Variants in ABCA10 observed in about 807,000 individuals in gnomAD.
ABCA10 encodes the protein ATP binding cassette subfamily A member 10, also known as ATP-binding cassette sub-family A member 10.
ABCA10 carries 169 observed loss-of-function variants against 187.5 expected under a neutral mutation model. That is an observed-to-expected ratio of 0.90 (90% CI 0.80 to 1.02). The LOEUF is 1.02. ABCA10 is among the 50% of genes least tolerant of loss of function. The pLI, the probability that ABCA10 is intolerant of heterozygous loss-of-function variation, is 0.00. For missense variants in ABCA10, 1,727 were observed against 1,812.4 expected, an observed-to-expected ratio of 0.95 and a Z score of 0.86; for synonymous variants, 574 against 601.8, an observed-to-expected ratio of 0.95 and a Z score of 0.68.
At chr17:69,194,837 G>T (rs1388453079) in intron 11 of ABCA10, among the ~76,000 whole-genome samples, 4 of 152,200 alleles carry the variant, frequency 2.6e-5, no homozygotes, top group Admixed American at 6.5e-5. Context: ...GCAAAGGAAA[G>T]AAGTGTGGCT....
chr17:69,211,331 A>ATCATATATATACATCATATATAT lies in ABCA10; in HGVS notation c.1006+3372_1006+3373insATATATATGATGTATATATATGA, dbSNP rs1568070290. ...ATATATATGATATATATATATATAT[A>ATCATATATATACATCATATATAT]TATATATATATATATATATATATAT... On this transcript the variant is annotated intron_variant, in intron 9 of 38. Transcript: ENST00000690296. Among the ~76,000 whole-genome samples the ATCATATATATACATCATATATAT allele has an allele frequency of 8.5e-4, 100 of 118,258 alleles. 1 individual carries two copies. The highest frequency in any genetic ancestry group is 4.3e-3 in the African/African-American group (95 of 22,004). 77.6% of individuals were successfully genotyped at this position (118,258 alleles called of 152,430 possible).
intron 25 of ABCA10, among the ~76,000 whole-genome samples, chr17:69,172,674 G>A (rs1397503475): frequency 6.6e-6 from 1 of 151,450 alleles, no homozygotes; most frequent in Non-Finnish European, 1.5e-5. Flanking sequence ...GAAAAATATG[G>A]AATAAAAACA....
intron 11 of ABCA10, among the ~76,000 whole-genome samples, chr17:69,195,554 C>CTTTTTTTTTTTTTTTTTTTTT (rs59069489): frequency 1.2e-4 from 12 of 102,976 alleles, no homozygotes; most frequent in African/African-American, 2.1e-4. Context: ...TGAAGTTTTT[C>CTTTTTTTTTTTTTTTTTTTTT]TTTTTTTTTT....
At chr17:69,228,096 C>G (rs1446671340) in intron 1 of ABCA10, among the ~76,000 whole-genome samples, 2 of 151,836 alleles carry the variant, frequency 1.3e-5, no homozygotes, top group Non-Finnish European at 2.9e-5. Context: ...AAGGCAAAGC[C>G]AGCAAAACCC....
chr17:69,148,942 A>T lies in ABCA10; in HGVS notation c.4534-17T>A. The T allele has an allele frequency of 6.2e-7, 1 of 1,612,838 alleles. No homozygotes were observed. The highest frequency in any genetic ancestry group is 8.5e-7 in the Non-Finnish European group (1 of 1,179,056). ...TAAGAATACCTAAGTAAGAGAAAAT[A>T]AAAAAGATACAAAAATGTCAGGGTG... is the stretch of plus-strand genomic sequence containing the variant. On this transcript the variant is annotated splice_polypyrimidine_tract_variant and intron_variant, in intron 38 of 38. Coordinates refer to ENST00000690296, the MANE Select transcript of ABCA10 (RefSeq NM_001377321.1).
chr17:69,232,170 G>A (rs1379231660), upstream of ABCA10, among the ~76,000 whole-genome samples: 1 of 151,706 alleles, frequency 6.6e-6, no homozygotes, highest in Non-Finnish European at 1.5e-5. Flanking sequence ...CAGATAGTTG[G>A]GTCTTGTTTT....
intron 22 of ABCA10, among the ~76,000 whole-genome samples, chr17:69,180,124 T>C (rs983865720): frequency 6.6e-6 from 1 of 152,292 alleles, no homozygotes; most frequent in South Asian, 2.1e-4. Context: ...GTCTACTTTA[T>C]GAGGTAGAAA....
chr17:69,200,789 T>C (rs2074537741), intron 10 of ABCA10, among the ~76,000 whole-genome samples: 1 of 152,230 alleles, frequency 6.6e-6, no homozygotes, highest in African/African-American at 2.4e-5. Flanking sequence ...ACTGGCTCAC[T>C]GCAAACTCCA....
chr17:69,208,819 T>A (rs772726493), intron 9 of ABCA10, among the ~76,000 whole-genome samples: 7 of 152,258 alleles, frequency 4.6e-5, no homozygotes, highest in African/African-American at 7.2e-5. Context: ...GGAGGATCCC[T>A]TGAGGCCAGG....
intron 9 of ABCA10, among the ~76,000 whole-genome samples, chr17:69,206,633 T>C (rs1416050566): frequency 2.0e-5 from 3 of 152,224 alleles, no homozygotes; most frequent in African/African-American, 7.2e-5. Flanking sequence ...TAGTTTGATG[T>C]AGACTCTGTC....
rs369415486 is a variant in ABCA10 at position 69,225,305 on chromosome 17, T to C, written c.34+20A>G. The C allele has an allele frequency of 2.5e-5, 40 of 1,611,864 alleles. No homozygotes were observed. Among genetic ancestry groups the C allele is most frequent in the African/African-American group, 1.7e-4 (13 of 74,790 alleles). On this transcript the variant is annotated intron_variant, in intron 3 of 38. Coordinates refer to ENST00000690296, the MANE Select transcript of ABCA10 (RefSeq NM_001377321.1). ...AATTAAGTCACATAATACTGAAACA[T>C]TGGTTATTGGACAACACACCTTTCA...
At chr17:69,209,578 A>T (rs1301008450) in intron 9 of ABCA10, among the ~76,000 whole-genome samples, 1 of 152,244 alleles carries the variant, frequency 6.6e-6, no homozygotes, top group Non-Finnish European at 1.5e-5. Context: ...AGATGAACAT[A>T]CTAAAATAAG....
chr17:69,187,605 A>T, intron 19 of ABCA10, 76 bp downstream of exon 19: 1 of 1,397,174 alleles, frequency 7.2e-7, no homozygotes, highest in Non-Finnish European at 9.7e-7. Flanking sequence ...TGAATAAATT[A>T]ATATATTTAC....
At chr17:69,164,821 C>G (rs891003926) in intron 26 of ABCA10, 143 bp downstream of exon 26, 18 of 1,104,144 alleles carry the variant, frequency 1.6e-5, no homozygotes, top group Non-Finnish European at 2.1e-5. Context: ...CAATTTTATA[C>G]AGCTTTAAAA....
intron 14 of ABCA10, 89 bp from the exon 15 acceptor site, chr17:69,193,337 T>G: frequency 6.5e-7 from 1 of 1,542,820 alleles, no homozygotes; most frequent in East Asian, 2.3e-5. Flanking sequence ...ATTTCTAGAC[T>G]CAAATACAGT....
Position 69,155,124 on chromosome 17 carries a change from T to C in ABCA10, c.3589A>G (p.Thr1197Ala), listed in dbSNP as rs1412068767. ...APNLEEEPVITASCLHKEYYE... is the reference protein window; with the variant it reads ...APNLEEEPVIAASCLHKEYYE... Reference sequence around the variant, plus strand: ...TATTCCTTGTGTAAACAGCTTGCAGTTATGACTGGTTCCTGGAAAACATGA... The same window carrying C: ...TATTCCTTGTGTAAACAGCTTGCAGCTATGACTGGTTCCTGGAAAACATGA... Residue 1197 changes from threonine to alanine, a missense_variant, in exon 30 of 39, where the codon ACT becomes GCT. Physicochemically the swap from Thr to Ala is moderately conservative, Grantham distance 58. Transcript: ENST00000690296. 3 of 1,604,278 alleles carry C rather than the reference T, an allele frequency of 1.9e-6. No homozygotes were observed. The South Asian group carries it at 3.4e-5, about 18-fold the overall frequency.
At chr17:69,199,175 G>A (rs1456231060) in intron 10 of ABCA10, among the ~76,000 whole-genome samples, 2 of 152,108 alleles carry the variant, frequency 1.3e-5, no homozygotes, top group Middle Eastern at 3.2e-3. Context: ...CTCACCTTAA[G>A]AGTCACCTCC....
intron 32 of ABCA10, 113 bp from the exon 33 acceptor site, chr17:69,153,659 A>T: frequency 6.8e-7 from 1 of 1,467,820 alleles, no homozygotes; most frequent in South Asian, 1.3e-5. Context: ...AAGCTTCCTT[A>T]ACGTTTTCAT....
chr17:69,181,450 G>A (rs1291657976), intron 22 of ABCA10, among the ~76,000 whole-genome samples: 1 of 151,672 alleles, frequency 6.6e-6, no homozygotes, highest in Non-Finnish European at 1.5e-5. Context: ...CTCTTCTAAT[G>A]TTCTGTGTTG....
Sources: gnomAD v4.1 joint callset for allele counts (sites outside exome capture counted in the v4.1 genomes callset) on GRCh38, gnomAD v4.1.1 for gene constraint, MANE v1.5 for transcripts, NCBI Gene and HGNC (gene_info 2026-07-23, HGNC 2026-07-21) for gene names.